The following COL3A1 variants were observed in gnomAD, a reference collection of about 807,000 sequenced individuals.
COL3A1 encodes collagen type III alpha 1 chain.
COL3A1 carries 46 observed loss-of-function variants against 200.9 expected under a neutral mutation model. The observed-to-expected ratio is 0.23, with a 90% CI of 0.18 to 0.29. The LOEUF (loss-of-function observed/expected upper bound fraction) is 0.29. Ranked by LOEUF, COL3A1 falls within the 10% of genes least tolerant of loss-of-function variation. The pLI is 1.00. For missense variants in COL3A1, 1,367 were observed against 1,917.6 expected (o/e 0.71, Z 5.36); for synonymous variants, 650 against 628.0 (o/e 1.03, Z -0.52).
chr2:188,998,829 T>G lies in COL3A1; in HGVS notation c.2022+111T>G. ...TACTCTTTCTTTAAAAGAGCATCAT[T>G]GCAAATGTTTGGTAAGTACACTTAG... On this transcript the variant is annotated intron_variant, in intron 29 of 50. Transcript: ENST00000304636. The G allele has an allele frequency of 3.1e-6, 3 of 981,030 alleles. No individual in the cohort carries two copies. The Admixed American group carries it at 5.9e-5, about 19-fold the overall frequency. 60.8% of individuals were successfully genotyped at this position (981,030 alleles called of 1,614,324 possible). A position where few individuals can be genotyped will look rare whatever the true frequency, so the allele number is the denominator to read the frequency against.
Position 188,974,424 on chromosome 2 carries a change from G to T in COL3A1, c.-66G>T. 1 of 1,224,706 alleles carries T rather than the reference G, an allele frequency of 8.2e-7. No individual in the cohort carries two copies. The allele number at this position is 1,224,706 out of a possible 1,614,324, so 75.9% of individuals were successfully genotyped here. A position where few individuals can be genotyped will look rare whatever the true frequency, so the allele number is the denominator to read the frequency against. On this transcript the variant is annotated 5_prime_UTR_variant, in exon 1 of 51. Transcript: ENST00000304636. Reference sequence around the variant, plus strand: ...CTGAAGGGCAGGGAACAACTTGATGGTGCTACTTTGAACTGCTTTTCTTTT... The same window carrying T: ...CTGAAGGGCAGGGAACAACTTGATGTTGCTACTTTGAACTGCTTTTCTTTT...
rs1299723216 is a variant in COL3A1, at chr2:189,001,401, C to T, written c.2288C>T (p.Pro763Leu). 8 of 1,613,436 alleles carry T rather than the reference C, an allele frequency of 5.0e-6. No individual in the cohort carries two copies. Among genetic ancestry groups the T allele is most frequent in the South Asian group, 4.4e-5 (4 of 91,074 alleles). The change falls in exon 33 of 51, where the codon CCT becomes CTT. Residue 763 changes from proline to leucine, a missense_variant. Around this residue, in one of 5 missense-constraint regions of COL3A1, gnomAD observed 846 missense variants for 1,147.9 expected, o/e 0.74. Coordinates refer to ENST00000304636, the MANE Select transcript of COL3A1 (RefSeq NM_000090.4). ...GVPGKDGPRGPTGPIGPPGPA... is the reference protein window; with the variant it reads ...GVPGKDGPRGLTGPIGPPGPA... ...AAATATTTTTATTTCCTCTAGGGTC[C>T]TACTGGTCCTATTGGTCCTCCTGGC... is the stretch of plus-strand genomic sequence containing the variant.
Position 189,003,075 on chromosome 2 carries a change from C to T in COL3A1, c.2553+13C>T. ...TTCTGGACCTGCTGTAAGTTCCTTC[C>T]TCTTTCTCTGTCTATCTATCTATCA... On this transcript the variant is annotated intron_variant, in intron 36 of 50. Coordinates refer to ENST00000304636, the MANE Select transcript of COL3A1 (RefSeq NM_000090.4). 2 of 1,527,502 alleles carry T rather than the reference C, an allele frequency of 1.3e-6. No homozygotes were observed. Among genetic ancestry groups the T allele is most frequent in the East Asian group, 2.5e-5 (1 of 40,778 alleles). 94.6% of individuals were successfully genotyped at this position (1,527,502 alleles called of 1,614,324 possible).
intron 1 of COL3A1, among the ~76,000 whole-genome samples, chr2:188,982,864 T>A (rs1381120274): frequency 6.6e-6 from 1 of 151,850 alleles, no homozygotes; most frequent in East Asian, 1.9e-4. Context: ...CAAACCCAAA[T>A]TTTCGGACCT....
At chr2:189,008,619 T>C (rs1481688719) in intron 47 of COL3A1, 1 of 486,078 alleles carries the variant, frequency 2.1e-6, no homozygotes, top group Non-Finnish European at 3.7e-6. Context: ...ATGTCAATAT[T>C]GGAATTGTAG....
At position 188,995,116 on chromosome 2, in the gene COL3A1, T is replaced by A. The variant is rs112696150; in HGVS notation, c.1509+17T>A. On this transcript the variant is annotated intron_variant, in intron 21 of 50. Coordinates refer to ENST00000304636, the MANE Select transcript of COL3A1 (RefSeq NM_000090.4). ...GGAGAAAAGGTAGATAACTTTAGTTTCTATGTTCCTAAATGCTAGCACCAC... is the reference window on the plus strand; with the variant it reads ...GGAGAAAAGGTAGATAACTTTAGTTACTATGTTCCTAAATGCTAGCACCAC... The A allele has an allele frequency of 6.2e-7, 1 of 1,613,242 alleles. No homozygotes were observed. Among genetic ancestry groups the A allele is most frequent in the Non-Finnish European group, 8.5e-7 (1 of 1,179,238 alleles).
At position 189,010,346 on chromosome 2, in the gene COL3A1, C is replaced by T; in HGVS notation, c.3992C>T (p.Ser1331Phe). 1 of 1,614,070 alleles carries T rather than the reference C, an allele frequency of 6.2e-7. No individual in the cohort carries two copies. Among genetic ancestry groups the T allele is most frequent in the Non-Finnish European group, 8.5e-7 (1 of 1,179,988 alleles). The change falls in exon 49 of 51, where the codon TCC becomes TTC. Residue 1331 changes from serine (S) to phenylalanine (F), a missense_variant. Ser to Phe is a radical substitution (Grantham distance 155). Transcript: ENST00000304636. ...AAGAAACACGTTTGGTTTGGAGAGT[C>T]CATGGATGGTGGTTTTCAGGTAGGA... is the stretch of plus-strand genomic sequence containing the variant. The part of the protein sequence containing the change: ...AEKKHVWFGE[S>F]MDGGFQFSYG...
intron 1 of COL3A1, among the ~76,000 whole-genome samples, chr2:188,977,252 C>A: frequency 6.6e-6 from 1 of 152,076 alleles, no homozygotes; most frequent in East Asian, 1.9e-4. Flanking sequence ...TCCATTAGGG[C>A]AGAAACAGAA....
intron 31 of COL3A1, 64 bp from the exon 32 acceptor site, chr2:188,999,778 C>T (rs1688414750): frequency 6.5e-7 from 1 of 1,531,814 alleles, no homozygotes; most frequent in Non-Finnish European, 8.9e-7. Context: ...AGAGTTACTC[C>T]TCTTCTTGGC....
chr2:188,981,728 C>G (rs966075615), intron 1 of COL3A1, among the ~76,000 whole-genome samples: 7 of 151,422 alleles, frequency 4.6e-5, no homozygotes, highest in African/African-American at 1.7e-4. Flanking sequence ...ACATTCTTTT[C>G]CTTGACTTTG....
chr2:188,996,370 C>T (rs769906478), intron 23 of COL3A1, 28 bp from the exon 24 acceptor site: 53 of 1,567,044 alleles, frequency 3.4e-5, no homozygotes, highest in Non-Finnish European at 4.5e-5. Context: ...TTTATCAAAC[C>T]TTTATTAATG....
intron 8 of COL3A1, 24 bp downstream of exon 8, chr2:188,989,473 G>A (rs11886142): frequency 1.9e-6 from 3 of 1,576,692 alleles, no homozygotes; most frequent in South Asian, 1.1e-5. Context: ...ACTTAAATAA[G>A]AATACAGCAA....
chr2:188,991,707 A>ACT lies in COL3A1; in HGVS notation c.937_938dup (p.Pro314PhefsTer97), dbSNP rs772827388. 6.2e-7 allele frequency: 1 copy of ACT among 1,614,018 alleles called. No homozygotes were observed. Among genetic ancestry groups the ACT allele is most frequent in the Admixed American group, 1.7e-5 (1 of 60,006 alleles). ...CTCCTGGTGAGCGAGGACGGCCAGG[A>ACT]CTTCCTGGGGCTGCAGTGAGTATAG... On this transcript the variant is annotated frameshift_variant, in exon 13 of 51. Transcript: ENST00000304636. LOFTEE classifies it high-confidence loss of function.
chr2:189,003,286 C>T, intron 36 of COL3A1, 125 bp from the exon 37 acceptor site: 1 of 840,990 alleles, frequency 1.2e-6, no homozygotes, highest in Non-Finnish European at 2.0e-6. Context: ...GTATGAATCT[C>T]AGCACCAGCA....
Position 189,002,280 on chromosome 2 carries a change from G to C in COL3A1, c.2392-18G>C. 1 of 1,609,328 alleles carries C rather than the reference G, an allele frequency of 6.2e-7. No homozygotes were observed. The highest frequency in any genetic ancestry group is 8.5e-7 in the Non-Finnish European group (1 of 1,175,702). On this transcript the variant is annotated intron_variant, in intron 34 of 50. Coordinates refer to ENST00000304636, the MANE Select transcript of COL3A1 (RefSeq NM_000090.4). The stretch of plus-strand genomic sequence containing the variant: ...ACGCACACTTCACTGTGACTAAGGA[G>C]GATATTTTTCTCTTCAGGGTGAGAG...
chr2:188,974,514 A>G lies in COL3A1; in HGVS notation c.25A>G (p.Ser9Gly). 1 of 1,613,948 alleles carries G rather than the reference A, an allele frequency of 6.2e-7. No homozygotes were observed. The highest frequency in any genetic ancestry group is 1.1e-5 in the South Asian group (1 of 91,080). The change falls in exon 1 of 51, where the codon AGC becomes GGC. Residue 9 changes from serine (S) to glycine (G), a missense_variant. Ser to Gly is a moderately conservative substitution (Grantham distance 56, BLOSUM62 0). Around this residue, in one of 5 missense-constraint regions of COL3A1, gnomAD observed 55 missense variants for 51.5 expected, o/e 1.07. Transcript: ENST00000304636. ...CATGATGAGCTTTGTGCAAAAGGGG[A>G]GCTGGCTACTTCTCGCTCTGCTTCA... MMSFVQKG[S>G]WLLLALLHPT...
chr2:188,996,573 T>C lies in COL3A1; in HGVS notation c.1761+77T>C, dbSNP rs1345782834. ...TTTTCCATATGGAGTAAAGAAATGG[T>C]CAAAACTCAGTCTCCTCTTCAAAGC... On this transcript the variant is annotated intron_variant, in intron 24 of 50. Transcript: ENST00000304636. 5 of 1,227,960 alleles carry C rather than the reference T, an allele frequency of 4.1e-6. No individual in the cohort carries two copies. In the African/African-American group the frequency reaches 7.5e-5, roughly 18 times the overall value. 76.1% of individuals were successfully genotyped at this position (1,227,960 alleles called of 1,614,324 possible).
At chr2:189,008,643 G>A in intron 47 of COL3A1, 1 of 522,564 alleles carries the variant, frequency 1.9e-6, no homozygotes, top group Non-Finnish European at 3.4e-6. Flanking sequence ...ACAGGTGTTT[G>A]CTTACATCAG....
intron 50 of COL3A1, 109 bp from the exon 51 acceptor site, chr2:189,011,519 G>T (rs1490605637): frequency 8.1e-7 from 1 of 1,241,386 alleles, no homozygotes. Context: ...TAATAACATG[G>T]CACGATGAAT....
Sources: allele counts gnomAD v4.1 joint callset (sites outside exome capture counted in the v4.1 genomes callset), GRCh38; gene constraint gnomAD v4.1.1; regional missense constraint gnomAD v4.1.1; transcripts MANE v1.5; gene names NCBI Gene and HGNC (gene_info 2026-07-23, HGNC 2026-07-21).